Variants in PRKG1 observed in about 807,000 individuals in gnomAD.
PRKG1 encodes the protein cGMP-dependent protein kinase 1.
Under a neutral mutation model 88.1 loss-of-function variants are expected in PRKG1, and 35 were observed. That is an observed-to-expected ratio of 0.40 (90% confidence interval 0.30 to 0.53). The LOEUF is 0.53. Ranked by LOEUF, PRKG1 falls within the 20% of genes least tolerant of loss-of-function variation. The pLI, the probability that PRKG1 is intolerant of heterozygous loss-of-function variation, is 0.59. For synonymous variants in PRKG1, 303 were observed against 292.5 expected (o/e 1.04, Z -0.37); for missense variants, 540 against 839.8 (o/e 0.64, Z 4.41).
chr10:52,094,290 G>A (rs80247712), intron 7 of PRKG1, among the ~76,000 whole-genome samples: 3,811 of 152,052 alleles, frequency 0.025, 68 homozygotes, highest in Non-Finnish European at 0.037. Flanking sequence ...TAGTTCATAC[G>A]TTTTCATTCT....
chr10:52,047,503 C>T (rs1845890129), intron 5 of PRKG1, among the ~76,000 whole-genome samples: 1 of 152,146 alleles, frequency 6.6e-6, no homozygotes, highest in East Asian at 1.9e-4. Flanking sequence ...TATTCCAAAC[C>T]ACCAAAATCT....
At chr10:51,727,437 A>T (rs117940783) in intron 3 of PRKG1, among the ~76,000 whole-genome samples, 5 of 152,170 alleles carry the variant, frequency 3.3e-5, no homozygotes, top group African/African-American at 1.2e-4. Flanking sequence ...AAAGGGGTCA[A>T]TGTGTCACTC....
intron 2 of PRKG1, among the ~76,000 whole-genome samples, chr10:51,239,004 T>TA (rs1839078331): frequency 1.3e-5 from 2 of 152,044 alleles, no homozygotes; most frequent in South Asian, 4.1e-4. Flanking sequence ...AACCAATGGA[T>TA]AAAAATCTAA....
intron 4 of PRKG1, among the ~76,000 whole-genome samples, chr10:51,850,456 C>A (rs912668871): frequency 6.6e-6 from 1 of 151,924 alleles, no homozygotes; most frequent in Non-Finnish European, 1.5e-5. Flanking sequence ...GTATTACAGG[C>A]ATAAGCCACA....
chr10:52,127,155 C>T (rs1029644173), intron 7 of PRKG1, among the ~76,000 whole-genome samples: 15 of 151,834 alleles, frequency 9.9e-5, no homozygotes, highest in Non-Finnish European at 2.1e-4. Flanking sequence ...AGAGATAGAA[C>T]CAATATGACC....
intron 3 of PRKG1, among the ~76,000 whole-genome samples, chr10:51,682,812 A>G (rs1326693396): frequency 2.6e-5 from 4 of 152,292 alleles, no homozygotes; most frequent in South Asian, 2.1e-4. Context: ...TAACAGTGCC[A>G]TCTTTGGAAA....
chr10:51,142,230 T>C (rs976577565), intron 1 of PRKG1, among the ~76,000 whole-genome samples: 13 of 152,162 alleles, frequency 8.5e-5, no homozygotes, highest in Admixed American at 2.6e-4. Context: ...TGTTTCTGTA[T>C]TGAGATTATC....
chr10:51,332,037 A>T (rs1006465445), intron 2 of PRKG1, among the ~76,000 whole-genome samples: 1 of 152,184 alleles, frequency 6.6e-6, no homozygotes, highest in Admixed American at 6.5e-5. Context: ...TTTGGTAAAC[A>T]TTCTTTTGAC....
Position 52,064,976 on chromosome 10 carries a change from A to G in PRKG1, c.935+2345A>G, listed in dbSNP as rs77279006. Among the ~76,000 whole-genome samples the G allele has an allele frequency of 4.8e-4, 73 of 152,298 alleles. 1 individual carries two copies. In the East Asian group the frequency reaches 0.013, roughly 27 times the overall value. The stretch of plus-strand genomic sequence containing the variant: ...GGAAGAGTAGGTGGAGGTAATGTAC[A>G]TCTGGATTCACTATGGGATAGGCTG... On this transcript the variant is annotated intron_variant, in intron 7 of 17. Coordinates refer to ENST00000373980, the MANE Select transcript of PRKG1 (RefSeq NM_006258.4).
rs137962295 is a variant in PRKG1, at chr10:51,145,994, C to T, written c.312-7170C>T. Among the ~76,000 whole-genome samples the T allele has an allele frequency of 1.2e-3, 180 of 152,058 alleles. 3 individuals are homozygous for T. The East Asian group carries it at 0.031, about 26-fold the overall frequency. ...CCATCCTGGCTAACATGGTGAAACC[C>T]CGTTTCTACTAAAAATACGAAAAAA... On this transcript the variant is annotated intron_variant, in intron 1 of 17. Transcript: ENST00000373980.
intron 3 of PRKG1, among the ~76,000 whole-genome samples, chr10:51,642,418 A>C (rs1311704833): frequency 2.6e-5 from 4 of 152,070 alleles, no homozygotes; most frequent in Non-Finnish European, 5.9e-5. Context: ...GAATACTTAA[A>C]TACTTATTTA....
intron 5 of PRKG1, among the ~76,000 whole-genome samples, chr10:51,984,830 T>C (rs1844110568): frequency 6.6e-6 from 1 of 152,070 alleles, no homozygotes; most frequent in South Asian, 2.1e-4. Context: ...ATTAGAAGAT[T>C]TAACAGAAAA....
At chr10:51,538,156 A>G (rs1343174988) in intron 3 of PRKG1, among the ~76,000 whole-genome samples, 1 of 152,140 alleles carries the variant, frequency 6.6e-6, no homozygotes, top group African/African-American at 2.4e-5. Context: ...TCTTAGTAGC[A>G]ACTGTTCAAA....
intron 4 of PRKG1, among the ~76,000 whole-genome samples, chr10:51,896,645 TAAAAA>T (rs10649150): frequency 1.5e-4 from 14 of 94,998 alleles, no homozygotes; most frequent in South Asian, 3.6e-4. Flanking sequence ...CCCTGTCTCT[TAAAAA>T]AAAAAAAAAA....
chr10:51,940,170 C>A (rs1269631037), intron 5 of PRKG1, among the ~76,000 whole-genome samples: 1 of 151,840 alleles, frequency 6.6e-6, no homozygotes, highest in Non-Finnish European at 1.5e-5. Flanking sequence ...CAAATATCCC[C>A]TGCTTTTTTT....
chr10:51,062,554 A>C (rs1262801841), intron 1 of PRKG1: 1 of 152,188 alleles, frequency 6.6e-6, no homozygotes, highest in Admixed American at 6.5e-5. Context: ...ATCTTCCATC[A>C]TCAGAAGAAG....
chr10:51,598,774 C>A (rs1838522943), intron 3 of PRKG1, among the ~76,000 whole-genome samples: 1 of 151,926 alleles, frequency 6.6e-6, no homozygotes, highest in Admixed American at 6.6e-5. Context: ...TGGCAGTTGA[C>A]TAAAAGGAGA....
chr10:52,064,154 G>A (rs1846302144), intron 7 of PRKG1, among the ~76,000 whole-genome samples: 1 of 152,166 alleles, frequency 6.6e-6, no homozygotes, highest in African/African-American at 2.4e-5. Flanking sequence ...CACCCAGGCT[G>A]TAGGTGCCAG....
intron 3 of PRKG1, among the ~76,000 whole-genome samples, chr10:51,725,243 CAT>C (rs1360277222): frequency 1.3e-5 from 2 of 152,180 alleles, no homozygotes; most frequent in African/African-American, 4.8e-5. Flanking sequence ...TGGATTGCCA[CAT>C]GATATGGCAA....
Sources: allele counts gnomAD v4.1 joint callset (sites outside exome capture counted in the v4.1 genomes callset), GRCh38; gene constraint gnomAD v4.1.1; transcripts MANE v1.5; gene names NCBI Gene and HGNC (gene_info 2026-07-23, HGNC 2026-07-21).